The following COL11A1 variants were observed in gnomAD, a reference collection of about 807,000 sequenced individuals.
COL11A1 encodes collagen alpha-1(XI) chain.
In COL11A1, 74 loss-of-function variants were observed where a neutral mutation model predicts 265.2. The ratio of observed to expected loss-of-function variants is 0.28; its 90% confidence interval spans 0.23 to 0.34. The LOEUF (loss-of-function observed/expected upper bound fraction) is 0.34. Among genes scored for constraint, COL11A1 ranks in the 10% least tolerant of loss-of-function variants. The pLI is 1.00. For missense variants in COL11A1, 2,165 were observed against 2,263.6 expected, an observed-to-expected ratio of 0.96 and a Z score of 0.88; for synonymous variants, 816 against 727.6, an observed-to-expected ratio of 1.12 and a Z score of -1.96.
At chr1:102,895,472 G>A (rs1378495947) in intron 57 of COL11A1, among the ~76,000 whole-genome samples, 2 of 152,026 alleles carry the variant, frequency 1.3e-5, no homozygotes, top group African/African-American at 2.4e-5. Flanking sequence ...CTTCTAGAAG[G>A]GGAAAAGAGA....
intron 12 of COL11A1, among the ~76,000 whole-genome samples, chr1:103,014,907 A>G (rs1666436606): frequency 6.6e-6 from 1 of 152,036 alleles, no homozygotes; most frequent in African/African-American, 2.4e-5. Flanking sequence ...AATGTTACCC[A>G]TTTTATTGAT....
chr1:102,932,232 G>A (rs918997408), intron 46 of COL11A1, among the ~76,000 whole-genome samples: 7 of 152,082 alleles, frequency 4.6e-5, no homozygotes, highest in South Asian at 4.1e-4. Context: ...GGCTGGTGCC[G>A]GTTGTTCCTT....
intron 4 of COL11A1, among the ~76,000 whole-genome samples, chr1:103,055,758 G>A (rs1404617682): frequency 6.6e-6 from 1 of 152,110 alleles, no homozygotes; most frequent in Non-Finnish European, 1.5e-5. Flanking sequence ...TATTTTATGT[G>A]TGCCCCAAGA....
At chr1:102,973,013 C>T (rs1483821359) in intron 36 of COL11A1, among the ~76,000 whole-genome samples, 1 of 151,594 alleles carries the variant, frequency 6.6e-6, no homozygotes, top group Admixed American at 6.6e-5. Context: ...AAAATTTTTT[C>T]CTGCTATGAT....
intron 35 of COL11A1, 51 bp from the exon 36 acceptor site, chr1:102,974,934 C>G: frequency 7.6e-7 from 1 of 1,316,274 alleles, no homozygotes; most frequent in Non-Finnish European, 1.1e-6. Flanking sequence ...TTAGAAGATG[C>G]ATCTTTATAC....
At chr1:102,889,646 T>A in intron 58 of COL11A1, 84 bp from the exon 59 acceptor site, 2 of 964,346 alleles carry the variant, frequency 2.1e-6, no homozygotes, top group Non-Finnish European at 3.3e-6. Context: ...GCACATTAAA[T>A]TTCTAAAGCA....
intron 1 of COL11A1, among the ~76,000 whole-genome samples, chr1:103,097,063 A>G (rs142155507): frequency 6.6e-6 from 1 of 152,150 alleles, no homozygotes; most frequent in East Asian, 1.9e-4. Context: ...AGGGTTGGCT[A>G]TTCCAGAAAA....
chr1:103,100,846 C>G (rs1371194659), intron 1 of COL11A1: 2 of 151,898 alleles, frequency 1.3e-5, no homozygotes, highest in African/African-American at 4.8e-5. Flanking sequence ...TTTCACTTCT[C>G]TGTTTTTCAG....
At chr1:103,079,576 C>T (rs951859482) in intron 2 of COL11A1, among the ~76,000 whole-genome samples, 2 of 151,872 alleles carry the variant, frequency 1.3e-5, no homozygotes, top group Admixed American at 1.3e-4. Context: ...AACAATTACC[C>T]TAAGTATATC....
At chr1:102,955,691 A>G (rs1287325707) in intron 41 of COL11A1, among the ~76,000 whole-genome samples, 1 of 152,024 alleles carries the variant, frequency 6.6e-6, no homozygotes, top group Non-Finnish European at 1.5e-5. Flanking sequence ...ATTTTCCTTG[A>G]TTTTGTTTTA....
intron 4 of COL11A1, among the ~76,000 whole-genome samples, chr1:103,047,571 T>G (rs1031561285): frequency 6.6e-6 from 1 of 152,194 alleles, no homozygotes; most frequent in African/African-American, 2.4e-5. Flanking sequence ...TGACTTCCTC[T>G]TTTCCTAATT....
At chr1:102,979,597 A>G in intron 31 of COL11A1, 162 bp from the exon 32 acceptor site, 1 of 705,748 alleles carries the variant, frequency 1.4e-6, no homozygotes, top group Non-Finnish European at 2.6e-6. Flanking sequence ...ATGAACTTAC[A>G]ATGACATCTG....
intron 49 of COL11A1, among the ~76,000 whole-genome samples, chr1:102,917,588 A>G (rs951036870): frequency 6.6e-6 from 1 of 151,950 alleles, no homozygotes; most frequent in Non-Finnish European, 1.5e-5. Context: ...ACAGAAAGTT[A>G]GAAATGCAGA....
chr1:102,895,347 T>C (rs1239605666), intron 57 of COL11A1, among the ~76,000 whole-genome samples: 1 of 152,184 alleles, frequency 6.6e-6, no homozygotes, highest in Admixed American at 6.6e-5. Flanking sequence ...GAGATGAAAG[T>C]AGGTAAGTTG....
rs558949929 is a variant in COL11A1 at position 103,008,730 on chromosome 1, G to T, written c.1630-214C>A. On this transcript the variant is annotated intron_variant, in intron 14 of 66. Coordinates refer to ENST00000370096, the MANE Select transcript of COL11A1 (RefSeq NM_001854.4). ...TACATTCCAATTTGTGAGCAATAAA[G>T]GTCTATATTTTATGTAGCACTACAC... is the stretch of plus-strand genomic sequence containing the variant. 2.6e-5 allele frequency among the ~76,000 whole-genome samples: 4 copies of T among 152,220 alleles called. 1 individual carries two copies. The East Asian group carries it at 7.7e-4, about 29-fold the overall frequency.
chr1:102,936,450 T>C (rs943178529), intron 44 of COL11A1, among the ~76,000 whole-genome samples: 8 of 152,124 alleles, frequency 5.3e-5, no homozygotes, highest in African/African-American at 1.9e-4. Context: ...AAGTATGATT[T>C]TGGCAGATGT....
At chr1:102,962,980 A>C (rs1456927780) in intron 38 of COL11A1, among the ~76,000 whole-genome samples, 1 of 152,240 alleles carries the variant, frequency 6.6e-6, no homozygotes, top group Non-Finnish European at 1.5e-5. Context: ...GTGTAAAAGG[A>C]AAGTACATAA....
At chr1:102,956,332 G>A (rs770853525) in intron 41 of COL11A1, among the ~76,000 whole-genome samples, 3 of 151,954 alleles carry the variant, frequency 2.0e-5, no homozygotes, top group Non-Finnish European at 2.9e-5. Flanking sequence ...TATTTTATCT[G>A]CTCTTTGTCC....
At chr1:103,058,842 G>C (rs1670437835) in intron 4 of COL11A1, among the ~76,000 whole-genome samples, 1 of 151,944 alleles carries the variant, frequency 6.6e-6, no homozygotes, top group Non-Finnish European at 1.5e-5. Context: ...AACTTATTTT[G>C]GTAATTCTCA....
Sources: gnomAD v4.1 joint callset for allele counts (sites outside exome capture counted in the v4.1 genomes callset) on GRCh38, gnomAD v4.1.1 for gene constraint, MANE v1.5 for transcripts, NCBI Gene and HGNC (gene_info 2026-07-23, HGNC 2026-07-21) for gene names.